The following DBT variants were observed in gnomAD, a reference collection of about 807,000 sequenced individuals.
DBT encodes dihydrolipoamide branched chain transacylase E2, also known as lipoamide acyltransferase component of branched-chain alpha-keto acid dehydrogenase complex, mitochondrial.
A neutral mutation model predicts 51.3 loss-of-function variants in DBT; 40 were observed. That is an observed-to-expected ratio of 0.78 (90% CI 0.61 to 1.02). The LOEUF (loss-of-function observed/expected upper bound fraction) is 1.02. DBT is among the 50% of genes least tolerant of loss of function. The pLI is 0.00. For synonymous variants in DBT, 181 were observed against 190.4 expected (o/e 0.95, Z 0.41); for missense variants, 510 against 580.2 (o/e 0.88, Z 1.24).
At chr1:100,218,771 T>C (rs1662643953) in intron 4 of DBT, 24 bp from the exon 5 acceptor site, 1 of 1,612,132 alleles carries the variant, frequency 6.2e-7, no homozygotes. Context: ...AAAACTTAAC[T>C]TCAGTTGAAA....
At chr1:100,232,326 G>C (rs1246807121) in intron 3 of DBT, among the ~76,000 whole-genome samples, 1 of 151,844 alleles carries the variant, frequency 6.6e-6, no homozygotes, top group Non-Finnish European at 1.5e-5. Context: ...TGTTGGTAGA[G>C]ACAGGGTCTT....
At chr1:100,231,915 G>T (rs929384229) in intron 3 of DBT, among the ~76,000 whole-genome samples, 1 of 152,102 alleles carries the variant, frequency 6.6e-6, no homozygotes, top group Non-Finnish European at 1.5e-5. Context: ...CAGCAGCCTT[G>T]CAGCCACTGT....
At chr1:100,241,226 T>C (rs966514839) in intron 1 of DBT, among the ~76,000 whole-genome samples, 3 of 152,230 alleles carry the variant, frequency 2.0e-5, no homozygotes, top group East Asian at 3.8e-4. Context: ...AGTTTACTTA[T>C]AGTAACTTAT....
rs1342553753 is a variant in DBT, at chr1:100,230,916, T to C, written c.252-2A>G. On this transcript the variant is annotated splice_acceptor_variant, in intron 3 of 10. Coordinates refer to ENST00000370132, the MANE Select transcript of DBT (RefSeq NM_001918.5). LOFTEE classifies it high-confidence loss of function. Reference sequence around the variant, plus strand: ...ACTGTATCTCCTTCTTTTACATACCTAAAAGAAAAAGAAATGAGACACTTT... The same window carrying C: ...ACTGTATCTCCTTCTTTTACATACCCAAAAGAAAAAGAAATGAGACACTTT... 1 of 1,563,598 alleles carries C rather than the reference T, an allele frequency of 6.4e-7. No individual in the cohort carries two copies. Among genetic ancestry groups the C allele is most frequent in the South Asian group, 1.1e-5 (1 of 90,020 alleles).
intron 2 of DBT, among the ~76,000 whole-genome samples, chr1:100,237,251 C>T (rs1019688539): frequency 6.6e-6 from 1 of 152,144 alleles, no homozygotes; most frequent in East Asian, 1.9e-4. Flanking sequence ...GTTGCCCCAT[C>T]GGAAACCCAG....
intron 4 of DBT, among the ~76,000 whole-genome samples, chr1:100,227,288 T>A (rs1250630484): frequency 6.6e-6 from 1 of 152,130 alleles, no homozygotes; most frequent in South Asian, 2.1e-4. Flanking sequence ...GCTGGAAAAA[T>A]TACTATCAGC....
chr1:100,243,724 G>A (rs1664366903), intron 1 of DBT, among the ~76,000 whole-genome samples: 1 of 152,032 alleles, frequency 6.6e-6, no homozygotes, highest in Non-Finnish European at 1.5e-5. Flanking sequence ...TTTGTCCAAG[G>A]TCACACAGCA....
intron 1 of DBT, among the ~76,000 whole-genome samples, chr1:100,242,887 A>G (rs1201079925): frequency 1.3e-5 from 2 of 151,934 alleles, no homozygotes; most frequent in African/African-American, 4.8e-5. Context: ...CAACAACACA[A>G]CTCGTATTGA....
chr1:100,216,775 C>A (rs966706061), intron 5 of DBT, among the ~76,000 whole-genome samples: 2 of 152,166 alleles, frequency 1.3e-5, no homozygotes, highest in African/African-American at 4.8e-5. Context: ...AATCATAATA[C>A]AAAAGCTCTC....
Position 100,192,271 on chromosome 1 carries a change from T to C in DBT, c.*3984A>G, listed in dbSNP as rs1404854621. The C allele has an allele frequency of 6.6e-6, 1 of 152,242 alleles. No homozygotes were observed. Among genetic ancestry groups the C allele is most frequent in the East Asian group, 1.9e-4 (1 of 5,202 alleles). 9.4% of individuals were successfully genotyped at this position (152,242 alleles called of 1,614,324 possible). A position where few individuals can be genotyped will look rare whatever the true frequency, so the allele number is the denominator to read the frequency against. On this transcript the variant is annotated 3_prime_UTR_variant, in exon 11 of 11. Coordinates refer to ENST00000370132, the MANE Select transcript of DBT (RefSeq NM_001918.5). ...GTTATTGGCACAGACCCACTTCCAG[T>C]GATAGCTTTAATTATTGGCTAAAGC...
chr1:100,215,767 A>G (rs1242477653), intron 6 of DBT, among the ~76,000 whole-genome samples: 1 of 152,198 alleles, frequency 6.6e-6, no homozygotes, highest in Admixed American at 6.5e-5. Context: ...GGCTGCAGTG[A>G]GCCAAGATCG....
In DBT at chr1:100,196,431, G is replaced by GAGAAAA; in HGVS notation, c.1282-10_1282-9insTTTTCT. 1.5e-6 allele frequency: 1 copy of GAGAAAA among 647,930 alleles called. No individual in the cohort carries two copies. Among genetic ancestry groups the GAGAAAA allele is most frequent in the South Asian group, 2.1e-5 (1 of 47,436 alleles). 40.1% of individuals were successfully genotyped at this position (647,930 alleles called of 1,614,324 possible). A position where few individuals can be genotyped will look rare whatever the true frequency, so the allele number is the denominator to read the frequency against. Reference sequence around the variant, plus strand: ...TTAAATCGGGGAATGGCCTAGAAATGAAAAAAAAAAAAAAAAAAAAAAAAA... The same window carrying GAGAAAA: ...TTAAATCGGGGAATGGCCTAGAAATGAGAAAAAAAAAAAAAAAAAAAAAAAAAAAAA... On this transcript the variant is annotated splice_polypyrimidine_tract_variant and intron_variant, in intron 10 of 10. Coordinates refer to ENST00000370132, the MANE Select transcript of DBT (RefSeq NM_001918.5).
chr1:100,214,926 C>A lies in DBT; in HGVS notation c.830G>T (p.Gly277Val). The A allele has an allele frequency of 6.2e-7, 1 of 1,613,166 alleles. No homozygotes were observed. The highest frequency in any genetic ancestry group is 8.5e-7 in the Non-Finnish European group (1 of 1,179,168). Residue 277 changes from glycine to valine, a missense_variant, in exon 7 of 11, where the codon GGT (glycine) becomes GTT (valine). Physicochemically the swap from Gly to Val is moderately radical, Grantham distance 109. Transcript: ENST00000370132. ...AGTAAGGTCAATCTCATCACAATAA[C>A]CAAAATGAGGTATCTTCAGGGCTGC... ...MSAALKIPHF[G>V]YCDEIDLTEL...
chr1:100,240,345 C>CA (rs1664136692), intron 2 of DBT, among the ~76,000 whole-genome samples: 1 of 152,036 alleles, frequency 6.6e-6, no homozygotes, highest in South Asian at 2.1e-4. Context: ...ATAGATGGCC[C>CA]AACACAACCC....
At position 100,240,852 on chromosome 1, in the gene DBT, A is replaced by T; in HGVS notation, c.84T>A (p.Asn28Lys). The change falls in exon 2 of 11, where the codon AAT becomes AAA. Residue 28 changes from asparagine (N) to lysine (K), a missense_variant. Asn to Lys is a moderately conservative substitution (Grantham distance 94, BLOSUM62 0). Transcript: ENST00000370132. Reference sequence around the variant, plus strand: ...CATAATTTGGCTTCAAAACATGAACATTACCACATGTTTGAAAATAGCGAA... The same window carrying T: ...CATAATTTGGCTTCAAAACATGAACTTTACCACATGTTTGAAAATAGCGAA... ...ICVRYFQTCG[N>K]VHVLKPNYVC... 6.2e-7 allele frequency: 1 copy of T among 1,613,024 alleles called. No homozygotes were observed.
intron 4 of DBT, among the ~76,000 whole-genome samples, chr1:100,226,440 C>T (rs969347474): frequency 6.6e-6 from 1 of 151,906 alleles, no homozygotes; most frequent in Non-Finnish European, 1.5e-5. Context: ...CACGCCACCA[C>T]ACCTGGCTAT....
Position 100,196,395 on chromosome 1 carries a change from C to T in DBT, c.1309G>A (p.Glu437Lys), listed in dbSNP as rs772490888. ...KAIPRFNQKG[E>K]VYKAQIMNVS... Reference sequence around the variant, plus strand: ...TTCATTATCTGTGCCTTATATACTTCTCCTTTCTGGTTAAATCGGGGAATG... The same window carrying T: ...TTCATTATCTGTGCCTTATATACTTTTCCTTTCTGGTTAAATCGGGGAATG... The change falls in exon 11 of 11, where the codon GAA becomes AAA. Residue 437 changes from glutamate to lysine, a missense_variant. Physicochemically the swap from Glu to Lys is moderately conservative, Grantham distance 56. Transcript: ENST00000370132. 2.1e-5 allele frequency: 27 copies of T among 1,303,732 alleles called. No homozygotes were observed. The Admixed American group carries it at 5.0e-4, about 24-fold the overall frequency. The allele number at this position is 1,303,732 out of a possible 1,614,324, so 80.8% of individuals were successfully genotyped here.
intron 4 of DBT, among the ~76,000 whole-genome samples, chr1:100,226,827 T>C (rs1663243338): frequency 6.6e-6 from 1 of 152,150 alleles, no homozygotes; most frequent in African/African-American, 2.4e-5. Context: ...AGGAGCCAGG[T>C]TGAAGGGGTC....
At position 100,211,488 on chromosome 1, in the gene DBT, A is replaced by G. The variant is rs577105163; in HGVS notation, c.940-717T>C. On this transcript the variant is annotated intron_variant, in intron 7 of 10. Transcript: ENST00000370132. ...CATTGTATTGAATTTAAAAGATAGC[A>G]AAATAAAAATGCTTAAGATCATTCT... is the stretch of plus-strand genomic sequence containing the variant. Among the ~76,000 whole-genome samples, 11 of 152,328 alleles carry G rather than the reference A, an allele frequency of 7.2e-5. No homozygotes were observed. In the East Asian group the frequency reaches 1.9e-3, roughly 27 times the overall value.
Sources: allele counts gnomAD v4.1 joint callset (sites outside exome capture counted in the v4.1 genomes callset), GRCh38; gene constraint gnomAD v4.1.1; transcripts MANE v1.5; gene names NCBI Gene and HGNC (gene_info 2026-07-23, HGNC 2026-07-21).